The following SLC9D1 variants were observed in gnomAD, a reference collection of about 807,000 sequenced individuals.
SLC9D1 encodes the protein solute carrier family 9 member D1.
the SLC9D1 span, among the ~76,000 whole-genome samples, chr13:113,499,262 G>C: frequency 6.6e-6 from 1 of 152,150 alleles, no homozygotes; most frequent in Non-Finnish European, 1.5e-5. Context: ...GGTGGGTTTT[G>C]GCTGGCTTCT....
chr13:113,536,692 G>A, the SLC9D1 span: 9 of 356,528 alleles, frequency 2.5e-5, no homozygotes, highest in South Asian at 1.0e-3. Flanking sequence ...GGGGTGCTGG[G>A]CCTTCTGCAC....
At chr13:113,517,378 G>T in the SLC9D1 span, among the ~76,000 whole-genome samples, 6 of 151,986 alleles carry the variant, frequency 3.9e-5, no homozygotes, top group Non-Finnish European at 8.8e-5. Flanking sequence ...GACTACAGGC[G>T]CCCGCCACCA....
At chr13:113,509,714 A>G in the SLC9D1 span, among the ~76,000 whole-genome samples, 1 of 152,196 alleles carries the variant, frequency 6.6e-6, no homozygotes, top group African/African-American at 2.4e-5. Flanking sequence ...TGGTTGATGT[A>G]TCGTATTTAT....
chr13:113,502,648 A>G, the SLC9D1 span, among the ~76,000 whole-genome samples: 1 of 152,200 alleles, frequency 6.6e-6, no homozygotes, highest in Non-Finnish European at 1.5e-5. Context: ...AAGGTTCCCA[A>G]GCTTCCAGCT....
chr13:113,523,961 A>G, the SLC9D1 span, among the ~76,000 whole-genome samples: 1 of 152,210 alleles, frequency 6.6e-6, no homozygotes, highest in Non-Finnish European at 1.5e-5. Context: ...GTTTGAGTCC[A>G]CTGTGGCGCG....
At chr13:113,509,186 TC>T in the SLC9D1 span, among the ~76,000 whole-genome samples, 5 of 90,572 alleles carry the variant, frequency 5.5e-5, no homozygotes, top group South Asian at 3.8e-4. Context: ...GGCAGGTGGG[TC>T]CCCCCTGGAG....
the SLC9D1 span, among the ~76,000 whole-genome samples, chr13:113,515,647 T>C: frequency 8.2e-4 from 125 of 152,234 alleles, no homozygotes; most frequent in Non-Finnish European, 1.4e-3. Context: ...ATCCCAGCAC[T>C]TTGGGAGGCC....
the SLC9D1 span, among the ~76,000 whole-genome samples, chr13:113,522,888 C>G: frequency 6.6e-6 from 1 of 152,192 alleles, no homozygotes; most frequent in Non-Finnish European, 1.5e-5. Flanking sequence ...CCTCAGCCTC[C>G]CAAAGTGCTG....
chr13:113,540,554 G>T, the SLC9D1 span, among the ~76,000 whole-genome samples: 1 of 152,210 alleles, frequency 6.6e-6, no homozygotes, highest in Admixed American at 6.5e-5. Context: ...AGAAGGGTCT[G>T]TTCCTGTCCT....
At chr13:113,495,741 T>G in the SLC9D1 span, 1 of 1,614,060 alleles carries the variant, frequency 6.2e-7, no homozygotes, top group South Asian at 1.1e-5. Context: ...CCGGGACAGC[T>G]GCAGGAAGCT....
At chr13:113,528,080 C>T in the SLC9D1 span, 13 of 152,212 alleles carry the variant, frequency 8.5e-5, no homozygotes, top group African/African-American at 3.1e-4. Context: ...CCTTTTGAAG[C>T]GTTTTAGTCA....
At chr13:113,503,626 C>A in the SLC9D1 span, 2 of 1,378,572 alleles carry the variant, frequency 1.5e-6, no homozygotes, top group South Asian at 1.2e-5. Context: ...AGCTAAGGAG[C>A]TTCACATCAT....
chr13:113,517,411 G>A, the SLC9D1 span, among the ~76,000 whole-genome samples: 1 of 152,070 alleles, frequency 6.6e-6, no homozygotes, highest in East Asian at 1.9e-4. Flanking sequence ...TCTATTTTTA[G>A]TAGAGACGGG....
the SLC9D1 span, chr13:113,504,621 A>G: frequency 2.6e-5 from 4 of 152,258 alleles, no homozygotes; most frequent in Non-Finnish European, 2.9e-5. Context: ...TGCACTTAGA[A>G]TAATGGTCTC....
the SLC9D1 span, among the ~76,000 whole-genome samples, chr13:113,544,437 TC>T: frequency 1.6e-3 from 223 of 141,390 alleles, no homozygotes; most frequent in African/African-American, 6.7e-3. Flanking sequence ...CAGGTGGTCT[TC>T]CCACTAGATG....
At chr13:113,535,211 C>G in the SLC9D1 span, 1 of 152,258 alleles carries the variant, frequency 6.6e-6, no homozygotes, top group Non-Finnish European at 1.5e-5. The surrounding 1 kb of genome is among the most constrained non-coding windows in gnomAD (Gnocchi z 4.1). Context: ...CAGTTTTTAA[C>G]TGTGTTGCTC....
the SLC9D1 span, among the ~76,000 whole-genome samples, chr13:113,519,856 G>T: frequency 4.6e-5 from 7 of 152,134 alleles, no homozygotes; most frequent in African/African-American, 1.7e-4. Context: ...GAGAAGGCTC[G>T]TTCTGTGCAG....
At chr13:113,526,635 C>A in the SLC9D1 span, among the ~76,000 whole-genome samples, 1 of 152,204 alleles carries the variant, frequency 6.6e-6, no homozygotes, top group Admixed American at 6.5e-5. Context: ...TGTAGGATTG[C>A]TTGAGCCTGG....
the SLC9D1 span, chr13:113,500,181 C>A: frequency 7.5e-7 from 1 of 1,341,020 alleles, no homozygotes; most frequent in Non-Finnish European, 9.8e-7. Flanking sequence ...GCCTGCCTTC[C>A]CCCAATTCCT....
Sources: gnomAD v4.1 joint callset for allele counts (sites outside exome capture counted in the v4.1 genomes callset) on GRCh38, gnomAD v4.1.1 for gene constraint, Gnocchi (gnomAD v3.1) non-coding constraint, MANE v1.5 for transcripts, NCBI Gene and HGNC (gene_info 2026-07-23, HGNC 2026-07-21) for gene names.